GRIP1: variants seen among roughly 807,000 people sequenced by gnomAD.
GRIP1 encodes glutamate receptor interacting protein 1.
A neutral mutation model predicts 129.9 loss-of-function variants in GRIP1; 45 were observed. The ratio of observed to expected loss-of-function variants is 0.35; its 90% CI spans 0.27 to 0.44. The LOEUF (loss-of-function observed/expected upper bound fraction) is 0.44. GRIP1 is among the 20% of genes least tolerant of loss of function. The probability of loss-of-function intolerance (pLI) is 1.00; values close to 1 mark genes in which losing one functional copy is unlikely to be tolerated. For synonymous variants in GRIP1, 530 were observed against 520.8 expected (o/e 1.02, Z -0.24); for missense variants, 1,196 against 1,396.8 (o/e 0.86, Z 2.29).
At chr12:66,863,239 A>T (rs2040143225) in intron 1 of GRIP1, among the ~76,000 whole-genome samples, 1 of 152,178 alleles carries the variant, frequency 6.6e-6, no homozygotes, top group South Asian at 2.1e-4. Context: ...TCATGCAGGC[A>T]TAGAGCAAGT....
chr12:66,355,059 C>A (rs1013417583), intron 23 of GRIP1, among the ~76,000 whole-genome samples: 2 of 152,190 alleles, frequency 1.3e-5, no homozygotes, highest in African/African-American at 4.8e-5. Flanking sequence ...TAAACATGCA[C>A]CTCTCGGCCT....
chr12:66,489,644 G>C (rs549986830), intron 7 of GRIP1, among the ~76,000 whole-genome samples: 97 of 152,092 alleles, frequency 6.4e-4, no homozygotes, highest in African/African-American at 2.3e-3. Context: ...AGAAATAAAG[G>C]GTATTCAAAT....
At chr12:67,015,327 C>A (rs182970743) in intron 1 of GRIP1, among the ~76,000 whole-genome samples, 2 of 152,178 alleles carry the variant, frequency 1.3e-5, no homozygotes, top group African/African-American at 4.8e-5. Context: ...GGGGCTCTTT[C>A]ACGCTAAAAT....
At chr12:66,636,981 G>A (rs1202266489) in intron 1 of GRIP1, among the ~76,000 whole-genome samples, 4 of 152,152 alleles carry the variant, frequency 2.6e-5, no homozygotes, top group African/African-American at 4.8e-5. Context: ...AGCAACGGGT[G>A]TCACATGCTG....
intron 1 of GRIP1, among the ~76,000 whole-genome samples, chr12:66,637,638 C>G (rs544342187): frequency 2.8e-4 from 43 of 152,012 alleles, no homozygotes; most frequent in African/African-American, 1.0e-3. Flanking sequence ...AAAATTTCAA[C>G]TTCTTATTTT....
At chr12:66,614,654 T>C (rs2064960608) in intron 1 of GRIP1, among the ~76,000 whole-genome samples, 2 of 152,142 alleles carry the variant, frequency 1.3e-5, no homozygotes, top group Admixed American at 6.6e-5. Flanking sequence ...ATCACAGTAC[T>C]TCCCAGCTTA....
At chr12:66,990,403 C>A (rs576753773) in intron 1 of GRIP1, among the ~76,000 whole-genome samples, 1 of 152,308 alleles carries the variant, frequency 6.6e-6, no homozygotes, top group South Asian at 2.1e-4. Flanking sequence ...GGTTCCAGCT[C>A]TGGCTCAGAT....
At chr12:66,839,972 T>C (rs1407513145) in intron 1 of GRIP1, among the ~76,000 whole-genome samples, 2 of 152,168 alleles carry the variant, frequency 1.3e-5, no homozygotes, top group Non-Finnish European at 2.9e-5. Context: ...TCAATAAGGT[T>C]GCAAATTCAA....
At chr12:66,995,181 TAA>T (rs545872322) in intron 1 of GRIP1, among the ~76,000 whole-genome samples, 28 of 139,120 alleles carry the variant, frequency 2.0e-4, no homozygotes, top group Admixed American at 2.2e-4. Context: ...TCATGCCATC[TAA>T]AAAAAAAAAA....
intron 1 of GRIP1, among the ~76,000 whole-genome samples, chr12:66,618,376 A>G (rs889764965): frequency 2.0e-5 from 3 of 152,164 alleles, no homozygotes; most frequent in African/African-American, 7.2e-5. Context: ...TAAGAAACCA[A>G]TAAAAGTGGT....
At chr12:66,997,623 A>C (rs2042487994) in intron 1 of GRIP1, among the ~76,000 whole-genome samples, 1 of 152,204 alleles carries the variant, frequency 6.6e-6, no homozygotes, top group South Asian at 2.1e-4. Flanking sequence ...GCCAGTCAAT[A>C]TGAAGGTCTG....
intron 1 of GRIP1, among the ~76,000 whole-genome samples, chr12:67,044,043 G>A (rs1592507959): frequency 1.3e-5 from 2 of 152,198 alleles, no homozygotes; most frequent in East Asian, 1.9e-4. Context: ...ATAGAGCCAT[G>A]AGTTTTAATC....
At chr12:66,924,795 G>A (rs1439229022) in intron 1 of GRIP1, among the ~76,000 whole-genome samples, 5 of 151,994 alleles carry the variant, frequency 3.3e-5, no homozygotes, top group African/African-American at 4.8e-5. Flanking sequence ...GTGAAACCCC[G>A]TCTCTATTAA....
chr12:66,605,096 G>T (rs6581707), intron 1 of GRIP1, among the ~76,000 whole-genome samples: 1 of 150,122 alleles, frequency 6.7e-6, no homozygotes, highest in Admixed American at 6.6e-5. Flanking sequence ...TTGGACTGCA[G>T]TAAATTTAGG....
chr12:66,670,134 G>C (rs1302959120), intron 1 of GRIP1, among the ~76,000 whole-genome samples: 1 of 152,126 alleles, frequency 6.6e-6, no homozygotes, highest in African/African-American at 2.4e-5. Context: ...AAGAAGACAA[G>C]TAACAGAAGA....
Position 66,455,494 on chromosome 12 carries a change from C to A in GRIP1, c.1269G>T (p.Gly423=). The A allele has an allele frequency of 6.2e-7, 1 of 1,611,780 alleles. No individual in the cohort carries two copies. Among genetic ancestry groups the A allele is most frequent in the Non-Finnish European group, 8.5e-7 (1 of 1,177,882 alleles). Residue 423 remains glycine, a synonymous_variant, in exon 11 of 25, where the codon GGG becomes GGT. Coordinates refer to ENST00000359742, the MANE Select transcript of GRIP1 (RefSeq NM_001366722.1). The stretch of plus-strand genomic sequence containing the variant: ...TGGAGTAGAGGCTTCGAGGTAGAGT[C>A]CCCATGTTCAGGGAACTCAGGCTGT... ...SAYSLSSLNM[G]TLPRSLYSTS... is the part of the protein sequence containing the mutation.
chr12:66,711,007 G>A (rs1480120079), intron 1 of GRIP1, among the ~76,000 whole-genome samples: 1 of 151,644 alleles, frequency 6.6e-6, no homozygotes, highest in Non-Finnish European at 1.5e-5. Context: ...TTGTCTTCAG[G>A]CAATCTGTTG....
At chr12:66,530,733 A>G (rs7489014) in intron 4 of GRIP1, among the ~76,000 whole-genome samples, 2 of 125,810 alleles carry the variant, frequency 1.6e-5, no homozygotes, top group Non-Finnish European at 3.4e-5. Flanking sequence ...ATTTCTGCAT[A>G]AAAAAACCCA....
At chr12:66,447,463 T>G (rs1379234873) in intron 11 of GRIP1, among the ~76,000 whole-genome samples, 3 of 152,186 alleles carry the variant, frequency 2.0e-5, no homozygotes, top group Non-Finnish European at 2.9e-5. Context: ...CTACCCTAAA[T>G]CATGGTCAAA....
Sources: allele counts gnomAD v4.1 joint callset (sites outside exome capture counted in the v4.1 genomes callset), GRCh38; gene constraint gnomAD v4.1.1; transcripts MANE v1.5; gene names NCBI Gene and HGNC (gene_info 2026-07-23, HGNC 2026-07-21).